Variants in ANXA8 observed in about 807,000 individuals in gnomAD.
ANXA8 encodes the protein annexin A8.
Under a neutral mutation model 26.8 loss-of-function variants are expected in ANXA8, and 9 were observed. The observed-to-expected ratio is 0.34, with a 90% CI of 0.20 to 0.59. The LOEUF is 0.59. Ranked by LOEUF, ANXA8 falls within the 20% of genes least tolerant of loss-of-function variation. ANXA8 has a pLI of 0.84. For synonymous variants in ANXA8, 39 were observed against 94.8 expected (o/e 0.41, Z 3.42); for missense variants, 83 against 238.5 (o/e 0.35, Z 4.29).
At chr10:47,687,095 C>G in the ANXA8 span, among the ~76,000 whole-genome samples, 1 of 145,676 alleles carries the variant, frequency 6.9e-6, no homozygotes, top group East Asian at 2.0e-4. Context: ...GAGAGAGAGA[C>G]CCTAACTCAA....
At chr10:47,482,158 T>C (rs1839845354) in intron 1 of ANXA8, among the ~76,000 whole-genome samples, 1 of 135,876 alleles carries the variant, frequency 7.4e-6, no homozygotes, top group Non-Finnish European at 1.6e-5. Flanking sequence ...TAGAGGACAC[T>C]GGGTCTTCGC....
chr10:47,584,926 A>G, the ANXA8 span, among the ~76,000 whole-genome samples: 5 of 145,394 alleles, frequency 3.4e-5, 1 homozygote, highest in South Asian at 4.2e-4. Context: ...CGTCTCTACT[A>G]AAAATACAAA....
At chr10:47,597,665 G>GAAAA in the ANXA8 span, among the ~76,000 whole-genome samples, 18 of 114,356 alleles carry the variant, frequency 1.6e-4, no homozygotes, top group Non-Finnish European at 2.5e-4. Context: ...AAGAGCCACA[G>GAAAA]AAAAAAAAAA....
the ANXA8 span, among the ~76,000 whole-genome samples, chr10:47,626,669 G>GT: frequency 6.7e-6 from 1 of 150,168 alleles, no homozygotes; most frequent in Non-Finnish European, 1.5e-5. Context: ...TGTAAAAGTG[G>GT]CATCTGGTTC....
At chr10:47,496,999 G>A in the ANXA8 span, among the ~76,000 whole-genome samples, 1 of 149,162 alleles carries the variant, frequency 6.7e-6, no homozygotes, top group African/African-American at 2.5e-5. Context: ...TGGAGACTAT[G>A]AAAATTTTGT....
At chr10:47,496,316 A>G in the ANXA8 span, 4 of 152,032 alleles carry the variant, frequency 2.6e-5, no homozygotes, top group East Asian at 7.7e-4. Context: ...TCTCTCTTCC[A>G]ACTTAATAGT....
the ANXA8 span, among the ~76,000 whole-genome samples, chr10:47,709,641 G>A: frequency 3.1e-3 from 401 of 131,350 alleles, 10 homozygotes; most frequent in East Asian, 0.065. Context: ...AGGGAAAAAA[G>A]CAGCACTGTG....
the ANXA8 span, among the ~76,000 whole-genome samples, chr10:47,741,918 G>A: frequency 4.2e-4 from 44 of 104,470 alleles, no homozygotes; most frequent in African/African-American, 1.4e-3. Context: ...TTGGCTCACC[G>A]CAACCTCCAC....
chr10:47,491,582 A>G, the ANXA8 span: 1 of 1,506,170 alleles, frequency 6.6e-7, no homozygotes, highest in African/African-American at 1.4e-5. Context: ...CCCAGGTAGA[A>G]AGGAGCCCTG....
At chr10:47,652,239 T>C in the ANXA8 span, among the ~76,000 whole-genome samples, 2 of 151,736 alleles carry the variant, frequency 1.3e-5, no homozygotes. Flanking sequence ...GTGAATACGC[T>C]AAAACTACTG....
chr10:47,468,994 T>C (rs1839208848), intron 11 of ANXA8, 88 bp from the exon 12 acceptor site: 1 of 1,549,728 alleles, frequency 6.5e-7, no homozygotes, highest in African/African-American at 1.4e-5. Context: ...CTAAGAGGTG[T>C]GCCCCTGGCC....
the ANXA8 span, among the ~76,000 whole-genome samples, chr10:47,670,044 C>A: frequency 6.6e-6 from 1 of 151,868 alleles, no homozygotes; most frequent in East Asian, 1.9e-4. Context: ...CCCCTGGAAG[C>A]CACGAATGTG....
chr10:47,681,864 A>G, the ANXA8 span, among the ~76,000 whole-genome samples: 7 of 113,640 alleles, frequency 6.2e-5, no homozygotes, highest in Non-Finnish European at 1.1e-4. Flanking sequence ...TTGATGTTGC[A>G]TGGTGTGGAT....
the ANXA8 span, among the ~76,000 whole-genome samples, chr10:47,489,411 C>T: frequency 1.9e-4 from 28 of 150,882 alleles, no homozygotes; most frequent in Non-Finnish European, 3.0e-4. Context: ...AGTGTCCTAA[C>T]GCAGTACAGT....
the ANXA8 span, among the ~76,000 whole-genome samples, chr10:47,732,922 C>T: frequency 8.1e-5 from 12 of 148,768 alleles, no homozygotes; most frequent in East Asian, 6.1e-4. Context: ...ATTATATCAG[C>T]GCCAGGATTA....
chr10:47,921,689 C>G, the ANXA8 span, among the ~76,000 whole-genome samples: 2 of 150,466 alleles, frequency 1.3e-5, no homozygotes, highest in Non-Finnish European at 3.0e-5. Flanking sequence ...ATATCTACCT[C>G]TAGGAATAAA....
the ANXA8 span, among the ~76,000 whole-genome samples, chr10:47,604,262 C>A: frequency 6.6e-6 from 1 of 152,388 alleles, no homozygotes; most frequent in East Asian, 1.9e-4. Context: ...ACTGTACCTC[C>A]TACCCAGTAA....
At chr10:47,948,691 A>G in the ANXA8 span, among the ~76,000 whole-genome samples, 1 of 150,736 alleles carries the variant, frequency 6.6e-6, no homozygotes, top group Non-Finnish European at 1.5e-5. Context: ...AAGAGAAAAA[A>G]TATTTGAAGA....
chr10:47,743,291 TATAC>T, the ANXA8 span, among the ~76,000 whole-genome samples: 1 of 69,116 alleles, frequency 1.4e-5, no homozygotes, highest in Non-Finnish European at 2.8e-5. Flanking sequence ...CACATATATA[TATAC>T]ACATATATAT....
Sources: gnomAD v4.1 joint callset for allele counts (sites outside exome capture counted in the v4.1 genomes callset) on GRCh38, gnomAD v4.1.1 for gene constraint, MANE v1.5 for transcripts, NCBI Gene and HGNC (gene_info 2026-07-23, HGNC 2026-07-21) for gene names.